The following VPS13A variants were observed in gnomAD, a reference collection of about 807,000 sequenced individuals.
The protein encoded by VPS13A is vacuolar protein sorting 13 homolog A.
Under a neutral mutation model 390.9 loss-of-function variants are expected in VPS13A, and 264 were observed. That is an observed-to-expected ratio of 0.68 (90% CI 0.61 to 0.75). The LOEUF (loss-of-function observed/expected upper bound fraction) is 0.75, where lower values mean the gene tolerates loss of function less well. Among genes scored for constraint, VPS13A ranks in the 30% least tolerant of loss-of-function variants. The pLI is 0.00. For synonymous variants in VPS13A, 1,231 were observed against 1,227.1 expected (o/e 1.00, Z -0.07); for missense variants, 3,409 against 3,733.9 (o/e 0.91, Z 2.27).
intron 52 of VPS13A, among the ~76,000 whole-genome samples, chr9:77,348,903 A>G (rs1002611908): frequency 6.6e-6 from 1 of 152,184 alleles, no homozygotes; most frequent in Admixed American, 6.5e-5. Flanking sequence ...TAAAATTTGT[A>G]TGAATTAAGA....
At chr9:77,267,544 G>A (rs373272519) in intron 23 of VPS13A, among the ~76,000 whole-genome samples, 1 of 152,152 alleles carries the variant, frequency 6.6e-6, no homozygotes, top group Non-Finnish European at 1.5e-5. Context: ...TGGAAGCTTC[G>A]TCCCAGAGGG....
At chr9:77,411,286 G>T (rs919096804) in intron 71 of VPS13A, among the ~76,000 whole-genome samples, 1 of 152,090 alleles carries the variant, frequency 6.6e-6, no homozygotes, top group African/African-American at 2.4e-5. Context: ...CACATTCAAA[G>T]CAGTGTGTAG....
chr9:77,404,844 T>A (rs994094696), intron 69 of VPS13A, among the ~76,000 whole-genome samples: 4 of 152,194 alleles, frequency 2.6e-5, no homozygotes, highest in Non-Finnish European at 5.9e-5. Flanking sequence ...TGGTTGGAGA[T>A]GTCCTGGGGC....
intron 35 of VPS13A, among the ~76,000 whole-genome samples, chr9:77,312,568 A>C (rs1358493102): frequency 1.3e-5 from 2 of 152,014 alleles, no homozygotes; most frequent in Non-Finnish European, 2.9e-5. Context: ...CTGGGATTAC[A>C]GGTGCCCGCC....
intron 23 of VPS13A, among the ~76,000 whole-genome samples, chr9:77,267,259 T>C (rs763678532): frequency 6.6e-6 from 1 of 152,170 alleles, no homozygotes; most frequent in Non-Finnish European, 1.5e-5. Flanking sequence ...GTTTTTGGAA[T>C]TTTAGCCTTT....
At chr9:77,298,389 G>T (rs112734796) in intron 33 of VPS13A, among the ~76,000 whole-genome samples, 23 of 152,304 alleles carry the variant, frequency 1.5e-4, no homozygotes, top group Admixed American at 1.1e-3. Flanking sequence ...GAATACCAGT[G>T]TTTAAATAAT....
At chr9:77,278,810 C>T (rs1587480867) in intron 26 of VPS13A, among the ~76,000 whole-genome samples, 1 of 152,298 alleles carries the variant, frequency 6.6e-6, no homozygotes, top group East Asian at 1.9e-4. Flanking sequence ...TATAAATTCT[C>T]TTCTACACTG....
Position 77,366,339 on chromosome 9 carries a change from C to T in VPS13A, c.8326-388C>T, listed in dbSNP as rs577330715. Among the ~76,000 whole-genome samples the T allele has an allele frequency of 4.6e-5, 7 of 152,120 alleles. No individual in the cohort carries two copies. The South Asian group carries it at 1.5e-3, about 32-fold the overall frequency. On this transcript the variant is annotated intron_variant, in intron 60 of 71. Coordinates refer to ENST00000360280, the MANE Select transcript of VPS13A (RefSeq NM_033305.3). ...TTCCACTGAAGGTGTATTGCTTTTG[C>T]AGCATTGTAAAGTTGAAAAATCATA...
intron 45 of VPS13A, among the ~76,000 whole-genome samples, chr9:77,325,595 G>A (rs573114429): frequency 2.7e-5 from 4 of 146,274 alleles, no homozygotes; most frequent in Non-Finnish European, 6.0e-5. Flanking sequence ...GAGCATTTTT[G>A]TTATGGATTC....
rs201120153 is a variant in VPS13A, at chr9:77,276,249, T to C, written c.2824+28T>C. 3.0e-5 allele frequency: 46 copies of C among 1,528,780 alleles called. No homozygotes were observed. The East Asian group carries it at 9.6e-4, about 32-fold the overall frequency. 94.7% of individuals were successfully genotyped at this position (1,528,780 alleles called of 1,614,324 possible). ...AAGAATCTCTATTTTTTAAAATAAATAAATTAATTTCATTGTTTGACTACC... is the reference window on the plus strand; with the variant it reads ...AAGAATCTCTATTTTTTAAAATAAACAAATTAATTTCATTGTTTGACTACC... On this transcript the variant is annotated intron_variant, in intron 26 of 71. Transcript: ENST00000360280.
At chr9:77,275,809 C>T (rs1220496917) in intron 25 of VPS13A, among the ~76,000 whole-genome samples, 157 bp downstream of exon 25, 2 of 149,482 alleles carry the variant, frequency 1.3e-5, no homozygotes. Flanking sequence ...CCCCGCCCCC[C>T]CCTTTTTTTT....
rs546133054 is a variant in VPS13A, at chr9:77,365,675, T to C, written c.8325+102T>C. ...CAGTAATATATAAAATCTGTAAATA[T>C]ACAATTAAACTAAGTAACAAAGGAA... is the stretch of plus-strand genomic sequence containing the variant. On this transcript the variant is annotated intron_variant, in intron 60 of 71. Coordinates refer to ENST00000360280, the MANE Select transcript of VPS13A (RefSeq NM_033305.3). 4.8e-5 allele frequency: 35 copies of C among 721,840 alleles called. No individual in the cohort carries two copies. In the East Asian group the frequency reaches 8.0e-4, roughly 17 times the overall value. The allele number at this position is 721,840 out of a possible 1,614,324, so 44.7% of individuals were successfully genotyped here. A position where few individuals can be genotyped will look rare whatever the true frequency, so the allele number is the denominator to read the frequency against.
rs530491045 is a variant in VPS13A at position 77,229,211 on chromosome 9, C to T, written c.1595+947C>T. Among the ~76,000 whole-genome samples, 13 of 151,934 alleles carry T rather than the reference C, an allele frequency of 8.6e-5. No homozygotes were observed. In the South Asian group the frequency reaches 1.5e-3, roughly 17 times the overall value. On this transcript the variant is annotated intron_variant, in intron 17 of 71. Coordinates refer to ENST00000360280, the MANE Select transcript of VPS13A (RefSeq NM_033305.3). Reference sequence around the variant, plus strand: ...CTCCAGCTTCAGCCTCCTGAGTAGCCGTGACTACAGGCGCGAGCCACCAAC... The same window carrying T: ...CTCCAGCTTCAGCCTCCTGAGTAGCTGTGACTACAGGCGCGAGCCACCAAC...
At chr9:77,261,901 T>C (rs973156395) in intron 23 of VPS13A, among the ~76,000 whole-genome samples, 3 of 152,234 alleles carry the variant, frequency 2.0e-5, no homozygotes, top group South Asian at 2.1e-4. Flanking sequence ...GCTTAACTTA[T>C]AGTTTGCTAA....
At chr9:77,301,956 T>TA (rs35841960) in intron 33 of VPS13A, among the ~76,000 whole-genome samples, 46,525 of 150,768 alleles carry the variant, frequency 0.31, 7,471 homozygotes, top group African/African-American at 0.37. Flanking sequence ...TACATAGAGA[T>TA]ATTTTTTTTT....
chr9:77,189,133 T>C (rs1244303526), intron 1 of VPS13A, among the ~76,000 whole-genome samples: 1 of 84,770 alleles, frequency 1.2e-5, no homozygotes, highest in African/African-American at 7.8e-5. Flanking sequence ...CCCACTTGCC[T>C]TTTTTTTTTT....
intron 17 of VPS13A, among the ~76,000 whole-genome samples, chr9:77,232,934 A>G (rs1012392944): frequency 1.3e-5 from 2 of 152,062 alleles, no homozygotes; most frequent in Non-Finnish European, 2.9e-5. Context: ...TTTACTCCTT[A>G]CTAGTTATAG....
At chr9:77,325,690 A>G (rs146311828) in intron 45 of VPS13A, among the ~76,000 whole-genome samples, 449 of 151,456 alleles carry the variant, frequency 3.0e-3, no homozygotes, top group Non-Finnish European at 3.3e-3. Flanking sequence ...TTAGGGCTTT[A>G]TTACATACAT....
chr9:77,278,210 A>G (rs368218958), intron 26 of VPS13A, among the ~76,000 whole-genome samples: 9 of 149,732 alleles, frequency 6.0e-5, no homozygotes, highest in South Asian at 2.1e-4. Context: ...AGCTGGGACT[A>G]CAGGCGCCCG....
Sources: allele counts gnomAD v4.1 joint callset (sites outside exome capture counted in the v4.1 genomes callset), GRCh38; gene constraint gnomAD v4.1.1; transcripts MANE v1.5; gene names NCBI Gene and HGNC (gene_info 2026-07-23, HGNC 2026-07-21).